LDB2: variants seen among roughly 807,000 people sequenced by gnomAD.
LDB2 encodes the protein LIM domain binding 2.
LDB2 carries 12 observed loss-of-function variants against 44.3 expected under a neutral mutation model. The ratio of observed to expected loss-of-function variants is 0.27; its 90% CI spans 0.17 to 0.44. LDB2 has a LOEUF of 0.44. LDB2 is among the 20% of genes least tolerant of loss of function. LDB2 has a pLI of 1.00. For synonymous variants in LDB2, 164 were observed against 174.8 expected, an observed-to-expected ratio of 0.94 and a Z score of 0.49; for missense variants, 344 against 473.5, an observed-to-expected ratio of 0.73 and a Z score of 2.54.
chr4:16,711,648 C>A (rs1052555610), intron 2 of LDB2, among the ~76,000 whole-genome samples: 2 of 152,088 alleles, frequency 1.3e-5, no homozygotes, highest in East Asian at 1.9e-4. Context: ...GGATGATGGG[C>A]TAGTAATCCA....
chr4:16,679,446 T>A (rs571129390), intron 2 of LDB2, among the ~76,000 whole-genome samples: 26 of 152,308 alleles, frequency 1.7e-4, no homozygotes, highest in African/African-American at 6.0e-4. Flanking sequence ...CAGGCACTAA[T>A]CCTTTACCTA....
chr4:16,758,603 T>G (rs1294983633), intron 2 of LDB2, among the ~76,000 whole-genome samples: 1 of 152,064 alleles, frequency 6.6e-6, no homozygotes, highest in Non-Finnish European at 1.5e-5. Flanking sequence ...CTTTACAGAG[T>G]TATCACTCGC....
intron 1 of LDB2, among the ~76,000 whole-genome samples, chr4:16,869,370 A>G (rs769522126): frequency 6.6e-5 from 10 of 152,196 alleles, no homozygotes; most frequent in Non-Finnish European, 1.5e-4. Context: ...CCCGTCAGAC[A>G]TGGAGGTGAT....
intron 1 of LDB2, among the ~76,000 whole-genome samples, chr4:16,786,297 C>T (rs1471275027): frequency 6.6e-6 from 1 of 152,182 alleles, no homozygotes; most frequent in African/African-American, 2.4e-5. Context: ...ATGCTGTAGT[C>T]GGCATCGTTA....
intron 1 of LDB2, among the ~76,000 whole-genome samples, chr4:16,878,073 T>C (rs1194284004): frequency 6.6e-6 from 1 of 152,022 alleles, no homozygotes. Context: ...AAACTTGGAG[T>C]AATGAAGATA....
intron 1 of LDB2, among the ~76,000 whole-genome samples, chr4:16,839,373 C>G (rs777059438): frequency 6.6e-6 from 1 of 152,172 alleles, no homozygotes; most frequent in African/African-American, 2.4e-5. Context: ...GCTTTTTCAA[C>G]AACCAGCTCT....
intron 1 of LDB2, among the ~76,000 whole-genome samples, chr4:16,787,184 C>A (rs1774624615): frequency 1.3e-5 from 2 of 152,096 alleles, no homozygotes; most frequent in Non-Finnish European, 1.5e-5. Context: ...ACTCAATAAA[C>A]ACGTATTGAA....
rs529832852 is a variant in LDB2, at chr4:16,849,826, G to C, written c.132+48528C>G. 8.9e-4 allele frequency among the ~76,000 whole-genome samples: 135 copies of C among 152,188 alleles called. 10 individuals are homozygous for C. The highest frequency in any genetic ancestry group is 2.1e-4 in the Non-Finnish European group (14 of 68,038). On this transcript the variant is annotated intron_variant, in intron 1 of 7. Transcript: ENST00000304523. Reference sequence around the variant, plus strand: ...CTGGAGGGTCAGCACCTTGAAGGCAGACACCAGCTCTTAGCCTTACACCTG... The same window carrying C: ...CTGGAGGGTCAGCACCTTGAAGGCACACACCAGCTCTTAGCCTTACACCTG...
intron 1 of LDB2, among the ~76,000 whole-genome samples, chr4:16,799,711 G>A (rs1191638440): frequency 6.6e-6 from 1 of 152,186 alleles, no homozygotes; most frequent in Non-Finnish European, 1.5e-5. Flanking sequence ...CTGGATTCTT[G>A]TAATACACAG....
intron 5 of LDB2, among the ~76,000 whole-genome samples, chr4:16,516,223 C>G (rs1723682092): frequency 6.6e-6 from 1 of 152,158 alleles, no homozygotes; most frequent in African/African-American, 2.4e-5. Flanking sequence ...TTTAAAAACA[C>G]TGGGTTTCAG....
At chr4:16,887,381 T>C (rs545252311) in intron 1 of LDB2, among the ~76,000 whole-genome samples, 102 of 152,330 alleles carry the variant, frequency 6.7e-4, no homozygotes, top group African/African-American at 2.3e-3. Flanking sequence ...CCTGAAATTC[T>C]AGGATTCATC....
Position 16,735,565 on chromosome 4 carries a change from C to T in LDB2, c.235+23593G>A, listed in dbSNP as rs961802148. Among the ~76,000 whole-genome samples, 14 of 111,996 alleles carry T rather than the reference C, an allele frequency of 1.3e-4. No individual in the cohort carries two copies. In the East Asian group the frequency reaches 3.6e-3, roughly 29 times the overall value. The allele number at this position is 111,996 out of a possible 152,430, so 73.5% of individuals were successfully genotyped here. ...AATATTCATTTCAATAAATGGAGAA[C>T]GGACAGAAAAAAAAACAGCAATTTC... On this transcript the variant is annotated intron_variant, in intron 2 of 7. Transcript: ENST00000304523.
At chr4:16,871,614 ACT>A (rs1213134492) in intron 1 of LDB2, among the ~76,000 whole-genome samples, 3 of 105,496 alleles carry the variant, frequency 2.8e-5, no homozygotes, top group Non-Finnish European at 3.6e-5. Context: ...TGTCAAAACC[ACT>A]CTTTCTTTTT....
intron 1 of LDB2, among the ~76,000 whole-genome samples, chr4:16,772,536 C>G (rs1039885274): frequency 3.3e-5 from 5 of 152,200 alleles, no homozygotes; most frequent in Non-Finnish European, 7.3e-5. Context: ...GTACCAGGAA[C>G]TTTCCAGAAT....
intron 5 of LDB2, among the ~76,000 whole-genome samples, chr4:16,551,879 C>T (rs1459305084): frequency 1.3e-5 from 2 of 152,180 alleles, no homozygotes; most frequent in African/African-American, 4.8e-5. Flanking sequence ...CACAGTACAT[C>T]TGAGTTTCTT....
At chr4:16,762,056 C>CGTG (rs1768046263) in intron 1 of LDB2, among the ~76,000 whole-genome samples, 1 of 151,996 alleles carries the variant, frequency 6.6e-6, no homozygotes, top group Admixed American at 6.6e-5. Context: ...GCCAGCCAGG[C>CGTG]GTGGTGGTGG....
At chr4:16,606,857 T>C (rs1370941248) in intron 2 of LDB2, among the ~76,000 whole-genome samples, 3 of 152,358 alleles carry the variant, frequency 2.0e-5, no homozygotes, top group East Asian at 3.9e-4. Flanking sequence ...CCCTAAGTCA[T>C]TGAATTTTGT....
At chr4:16,535,665 T>C (rs1731577301) in intron 5 of LDB2, among the ~76,000 whole-genome samples, 1 of 152,208 alleles carries the variant, frequency 6.6e-6, no homozygotes, top group African/African-American at 2.4e-5. Flanking sequence ...CCAGATGGTT[T>C]AGTTAGTGAC....
chr4:16,624,047 A>G (rs1729618312), intron 2 of LDB2, among the ~76,000 whole-genome samples: 1 of 152,208 alleles, frequency 6.6e-6, no homozygotes, highest in African/African-American at 2.4e-5. Context: ...CAAAGGTACC[A>G]GTACCATTAT....
Sources: allele counts gnomAD v4.1 joint callset (sites outside exome capture counted in the v4.1 genomes callset), GRCh38; gene constraint gnomAD v4.1.1; transcripts MANE v1.5; gene names NCBI Gene and HGNC (gene_info 2026-07-23, HGNC 2026-07-21).